Variants in DPP6 observed in about 807,000 individuals in gnomAD.
The protein encoded by DPP6 is dipeptidyl peptidase like 6.
In DPP6, 69 loss-of-function variants were observed where a neutral mutation model predicts 122.6. The observed-to-expected ratio is 0.56, with a 90% CI of 0.46 to 0.69. The LOEUF (loss-of-function observed/expected upper bound fraction) is 0.69, where lower values mean the gene tolerates loss of function less well. DPP6 is among the 30% of genes least tolerant of loss of function. DPP6 has a pLI of 0.00. For synonymous variants in DPP6, 418 were observed against 433.1 expected (o/e 0.97, Z 0.43); for missense variants, 928 against 1,116.9 (o/e 0.83, Z 2.41).
At chr7:154,204,666 G>C (rs76745746) in intron 1 of DPP6, among the ~76,000 whole-genome samples, 2,846 of 152,200 alleles carry the variant, frequency 0.019, 101 homozygotes, top group African/African-American at 0.064. Context: ...CAGGTCCTGG[G>C]CGTGGTTAAG....
At chr7:154,507,455 G>A (rs1825749640) in intron 3 of DPP6, among the ~76,000 whole-genome samples, 1 of 151,984 alleles carries the variant, frequency 6.6e-6, no homozygotes, top group African/African-American at 2.4e-5. Context: ...GCCCTGATAT[G>A]CCCCAGTAAG....
intron 1 of DPP6, among the ~76,000 whole-genome samples, chr7:154,304,667 A>G (rs1220383339): frequency 6.6e-6 from 1 of 151,892 alleles, no homozygotes; most frequent in African/African-American, 2.4e-5. Flanking sequence ...CTTTGATTCT[A>G]ACGATGGAAC....
chr7:154,227,775 G>T (rs768828147), intron 1 of DPP6, among the ~76,000 whole-genome samples: 10 of 152,104 alleles, frequency 6.6e-5, no homozygotes, highest in Non-Finnish European at 1.0e-4. Flanking sequence ...AACTGAAGGA[G>T]TACTGAGTGC....
At chr7:154,172,668 A>C (rs1405370127) in intron 1 of DPP6, among the ~76,000 whole-genome samples, 4 of 143,880 alleles carry the variant, frequency 2.8e-5, no homozygotes, top group African/African-American at 1.1e-4. Flanking sequence ...TGGTGCCATC[A>C]CAGCTCACTG....
At chr7:154,773,763 T>C (rs1006476508) in intron 10 of DPP6, among the ~76,000 whole-genome samples, 15 of 152,270 alleles carry the variant, frequency 9.9e-5, no homozygotes, top group East Asian at 9.7e-4. Context: ...GCCTGGGCCT[T>C]TATTATTCCA....
intron 5 of DPP6, among the ~76,000 whole-genome samples, chr7:154,567,834 C>T (rs1233320166): frequency 6.6e-6 from 1 of 152,148 alleles, no homozygotes; most frequent in Non-Finnish European, 1.5e-5. Flanking sequence ...TGGTTTATAT[C>T]CACTGGGAAA....
At chr7:154,148,245 C>T (rs1796217434) in intron 1 of DPP6, among the ~76,000 whole-genome samples, 1 of 84,834 alleles carries the variant, frequency 1.2e-5, no homozygotes, top group Admixed American at 1.1e-4. Flanking sequence ...CGGGCCTGTC[C>T]CATCTCTGGC....
chr7:154,776,113 G>A lies in DPP6; in HGVS notation c.1136+3171G>A, dbSNP rs964241348. 7.3e-5 allele frequency among the ~76,000 whole-genome samples: 11 copies of A among 151,080 alleles called. No homozygotes were observed. The East Asian group carries it at 2.0e-3, about 27-fold the overall frequency. ...TTAAATGACATCAGGCCACGTACCCGCTGCTCCCAGACATCTAGTGGCTTC... is the reference window on the plus strand; with the variant it reads ...TTAAATGACATCAGGCCACGTACCCACTGCTCCCAGACATCTAGTGGCTTC... On this transcript the variant is annotated intron_variant, in intron 10 of 25. Transcript: ENST00000377770.
intron 4 of DPP6, among the ~76,000 whole-genome samples, chr7:154,564,800 A>G (rs900211848): frequency 6.6e-6 from 1 of 152,248 alleles, no homozygotes; most frequent in African/African-American, 2.4e-5. Flanking sequence ...GTTCTCAGGC[A>G]TAGTGGCAGA....
rs1156318222 is a variant in DPP6, at chr7:154,847,572, AC to A, written c.1667-6207del. On this transcript the variant is annotated intron_variant, in intron 16 of 25. Transcript: ENST00000377770. ...TAATAATTGCATATATTTATTGGGTACAATGTGATGTTATATACATATATAC... is the reference window on the plus strand; with the variant it reads ...TAATAATTGCATATATTTATTGGGTAAATGTGATGTTATATACATATATAC... Among the ~76,000 whole-genome samples, 6 of 152,272 alleles carry A rather than the reference AC, an allele frequency of 3.9e-5. 1 individual carries two copies. The highest frequency in any genetic ancestry group is 1.4e-4 in the African/African-American group (6 of 41,554).
intron 5 of DPP6, chr7:154,588,111 G>T: frequency 1.3e-6 from 2 of 1,584,398 alleles, no homozygotes; most frequent in East Asian, 2.3e-5. Flanking sequence ...TGCCAGCACA[G>T]GCTTGTTCCT....
At chr7:154,628,261 CTAA>C (rs1163987223) in intron 5 of DPP6, among the ~76,000 whole-genome samples, 2 of 152,194 alleles carry the variant, frequency 1.3e-5, no homozygotes, top group Non-Finnish European at 2.9e-5. Context: ...CTATTTCCTT[CTAA>C]TGTGTACTTG....
intron 1 of DPP6, among the ~76,000 whole-genome samples, chr7:154,073,657 A>G (rs1353184207): frequency 1.7e-4 from 26 of 152,258 alleles, no homozygotes; most frequent in Admixed American, 5.9e-4. Context: ...TCCAGAATAA[A>G]ACCTTTCATT....
At position 154,489,806 on chromosome 7, in the gene DPP6, G is replaced by A. The variant is rs10248354; in HGVS notation, c.457+14769G>A. The stretch of plus-strand genomic sequence containing the variant: ...AGATTAATCTAGCTGTGCTGGTCAG[G>A]CCTCTCTCCTGTGCTCCTGCCTCAG... On this transcript the variant is annotated intron_variant, in intron 3 of 25. Transcript: ENST00000377770. Among the ~76,000 whole-genome samples the A allele has an allele frequency of 7.2e-3, 1,100 of 152,256 alleles. 14 individuals carry two copies. The highest frequency in any genetic ancestry group is 0.025 in the African/African-American group (1,032 of 41,534).
At chr7:154,689,385 G>T (rs1294341961) in intron 7 of DPP6, among the ~76,000 whole-genome samples, 1 of 152,130 alleles carries the variant, frequency 6.6e-6, no homozygotes, top group Non-Finnish European at 1.5e-5. Flanking sequence ...ATTTTGAATG[G>T]ATTTTGAATT....
At chr7:154,567,586 G>A (rs1830838993) in intron 5 of DPP6, among the ~76,000 whole-genome samples, 1 of 152,214 alleles carries the variant, frequency 6.6e-6, no homozygotes, top group Non-Finnish European at 1.5e-5. Context: ...TATAAGTGGA[G>A]AGGATGTTCA....
chr7:153,886,112 TACACACACACACACAC>T (rs60245538), upstream of DPP6, among the ~76,000 whole-genome samples: 7 of 140,338 alleles, frequency 5.0e-5, no homozygotes, highest in South Asian at 2.4e-4. Context: ...GGCACGCCCT[TACACACACACACACAC>T]ACACACACAC....
intron 8 of DPP6, 50 bp from the exon 9 acceptor site, chr7:154,769,367 T>G (rs1313236557): frequency 3.1e-6 from 5 of 1,605,934 alleles, no homozygotes; most frequent in Middle Eastern, 2.0e-4. Context: ...GCAGCTCCAA[T>G]TTCCACTCAC....
At chr7:153,990,998 G>C (rs1461093491) in intron 1 of DPP6, among the ~76,000 whole-genome samples, 4 of 152,260 alleles carry the variant, frequency 2.6e-5, no homozygotes, top group African/African-American at 9.6e-5. Flanking sequence ...GGGATGTGCA[G>C]TGGTACCCAT....
Sources: gnomAD v4.1 joint callset for allele counts (sites outside exome capture counted in the v4.1 genomes callset) on GRCh38, gnomAD v4.1.1 for gene constraint, MANE v1.5 for transcripts, NCBI Gene and HGNC (gene_info 2026-07-23, HGNC 2026-07-21) for gene names.